The following UNC5B variants were observed in gnomAD, a reference collection of about 807,000 sequenced individuals.
UNC5B encodes unc-5 netrin receptor B.
A neutral mutation model predicts 103.7 loss-of-function variants in UNC5B; 56 were observed. The ratio of observed to expected loss-of-function variants is 0.54; its 90% CI spans 0.44 to 0.67. The LOEUF is 0.67. UNC5B is among the 30% of genes least tolerant of loss of function. The pLI is 0.00. For missense variants in UNC5B, 1,194 were observed against 1,284.5 expected, an observed-to-expected ratio of 0.93 and a Z score of 1.08; for synonymous variants, 577 against 542.0, an observed-to-expected ratio of 1.06 and a Z score of -0.90.
chr10:71,294,056 G>T (rs1240750575), intron 13 of UNC5B, 123 bp downstream of exon 13: 3 of 913,948 alleles, frequency 3.3e-6, no homozygotes, highest in Non-Finnish European at 4.8e-6. Context: ...GCATTATTAG[G>T]TCCCGCTTGC....
At position 71,292,572 on chromosome 10, in the gene UNC5B, C is replaced by T. The variant is rs934397425; in HGVS notation, c.1772+18C>T. 8.8e-6 allele frequency: 14 copies of T among 1,582,648 alleles called. 1 individual carries two copies. The highest frequency in any genetic ancestry group is 8.0e-5 in the African/African-American group (6 of 74,606). On this transcript the variant is annotated intron_variant, in intron 11 of 16. Transcript: ENST00000335350. ...AGTACCCTGTGAGTAGAGCCCCAGC[C>T]GCTGCTCCTTTTTCTTCCTCCCATC...
intron 1 of UNC5B, among the ~76,000 whole-genome samples, chr10:71,222,327 G>T (rs1041204579): frequency 6.6e-6 from 1 of 152,220 alleles, no homozygotes; most frequent in African/African-American, 2.4e-5. Flanking sequence ...TTAGTGGAAA[G>T]AGCCCCAGCC....
chr10:71,249,249 C>T (rs1844119636), intron 1 of UNC5B, among the ~76,000 whole-genome samples: 1 of 152,226 alleles, frequency 6.6e-6, no homozygotes, highest in Admixed American at 6.5e-5. Flanking sequence ...GGCATGCTCC[C>T]CTCCAGAGCC....
chr10:71,215,554 T>A (rs1483039512), intron 1 of UNC5B, among the ~76,000 whole-genome samples: 1 of 151,834 alleles, frequency 6.6e-6, no homozygotes, highest in African/African-American at 2.4e-5. Flanking sequence ...GCTGGAGAAA[T>A]CAAAACTGGA....
chr10:71,284,248 CAGA>C (rs1845004870), intron 2 of UNC5B, among the ~76,000 whole-genome samples: 1 of 152,022 alleles, frequency 6.6e-6, no homozygotes, highest in Non-Finnish European at 1.5e-5. Context: ...CCAGAGGAGA[CAGA>C]AGATTCCAGG....
intron 1 of UNC5B, among the ~76,000 whole-genome samples, chr10:71,227,714 A>ATATT (rs1843602598): frequency 7.6e-6 from 1 of 132,094 alleles, no homozygotes; most frequent in African/African-American, 2.7e-5. Context: ...ATATACACAC[A>ATATT]CACACACACA....
At chr10:71,246,111 C>T (rs1471055038) in intron 1 of UNC5B, among the ~76,000 whole-genome samples, 1 of 152,078 alleles carries the variant, frequency 6.6e-6, no homozygotes, top group Non-Finnish European at 1.5e-5. Flanking sequence ...ACAAGACTCC[C>T]GCCTGTGGAA....
chr10:71,299,565 T>A lies in UNC5B; in HGVS notation c.*288T>A. The A allele has an allele frequency of 3.2e-6, 1 of 308,272 alleles. No homozygotes were observed. The highest frequency in any genetic ancestry group is 2.1e-5 in the African/African-American group (1 of 47,320). The allele number at this position is 308,272 out of a possible 1,614,324, so 19.1% of individuals were successfully genotyped here. ...GCTGAAGCCTCTGGAGGCAGTTGGT[T>A]GGGGGCGGGCAGGCAGGAGGCCCTC... On this transcript the variant is annotated 3_prime_UTR_variant, in exon 17 of 17. Transcript: ENST00000335350.
intron 1 of UNC5B, among the ~76,000 whole-genome samples, chr10:71,227,647 CAT>C (rs1404219652): frequency 4.1e-4 from 53 of 128,168 alleles, no homozygotes; most frequent in African/African-American, 9.4e-4. Flanking sequence ...TACACATATA[CAT>C]ATATATACAT....
intron 1 of UNC5B, among the ~76,000 whole-genome samples, chr10:71,230,395 C>T (rs1258303466): frequency 6.6e-6 from 1 of 152,212 alleles, no homozygotes. Context: ...CTCTAGCCCT[C>T]CTGGCTATAC....
At chr10:71,291,962 AGTATAAAATAGAGAG>A (rs1167409340) in intron 10 of UNC5B, 141 bp downstream of exon 10, 2 of 1,298,744 alleles carry the variant, frequency 1.5e-6, no homozygotes, top group African/African-American at 3.0e-5. Flanking sequence ...GCAGGAAGTG[AGTATAAAATAGAGAG>A]GTCTGACTAG....
chr10:71,262,678 C>G (rs927474504), intron 1 of UNC5B, among the ~76,000 whole-genome samples: 4 of 152,196 alleles, frequency 2.6e-5, no homozygotes, highest in African/African-American at 9.7e-5. Context: ...CTGGAAATAT[C>G]TGAAGAAGTC....
chr10:71,230,941 G>A (rs1412947189), intron 1 of UNC5B, among the ~76,000 whole-genome samples: 3 of 152,178 alleles, frequency 2.0e-5, no homozygotes, highest in African/African-American at 7.2e-5. Context: ...GTGTGGCTGG[G>A]GGTAAAGACA....
chr10:71,230,940 G>A (rs540217806), intron 1 of UNC5B, among the ~76,000 whole-genome samples: 24 of 152,292 alleles, frequency 1.6e-4, no homozygotes, highest in African/African-American at 5.3e-4. Flanking sequence ...GGTGTGGCTG[G>A]GGGTAAAGAC....
At chr10:71,281,508 T>C (rs1240393253) in intron 2 of UNC5B, among the ~76,000 whole-genome samples, 1 of 152,116 alleles carries the variant, frequency 6.6e-6, no homozygotes, top group Non-Finnish European at 1.5e-5. Context: ...GCCAGGCTAA[T>C]TTTTTGTATT....
At chr10:71,228,803 C>G (rs569315564) in intron 1 of UNC5B, among the ~76,000 whole-genome samples, 1 of 152,328 alleles carries the variant, frequency 6.6e-6, no homozygotes, top group South Asian at 2.1e-4. Context: ...TCACTCAGTC[C>G]TTGCGATGGC....
intron 5 of UNC5B, 46 bp from the exon 6 acceptor site, chr10:71,287,552 A>G: frequency 1.9e-6 from 3 of 1,547,500 alleles, no homozygotes; most frequent in Non-Finnish European, 2.6e-6. Flanking sequence ...GGGAGGGCAG[A>G]GGGTTCCAGA....
intron 1 of UNC5B, among the ~76,000 whole-genome samples, chr10:71,264,810 G>T (rs1311077035): frequency 6.6e-6 from 1 of 152,044 alleles, no homozygotes; most frequent in Non-Finnish European, 1.5e-5. Flanking sequence ...TGCAGGCCAT[G>T]GTTTGAGTAC....
chr10:71,278,606 C>T (rs1264528654), intron 1 of UNC5B, among the ~76,000 whole-genome samples: 2 of 152,260 alleles, frequency 1.3e-5, no homozygotes, highest in Non-Finnish European at 2.9e-5. Flanking sequence ...AACCAGGTGT[C>T]CCCTTGGCCC....
Sources: gnomAD v4.1 joint callset for allele counts (sites outside exome capture counted in the v4.1 genomes callset) on GRCh38, gnomAD v4.1.1 for gene constraint, MANE v1.5 for transcripts, NCBI Gene and HGNC (gene_info 2026-07-23, HGNC 2026-07-21) for gene names.